Variants in PGM2L1 observed in about 807,000 individuals in gnomAD.
The protein encoded by PGM2L1 is phosphoglucomutase 2 like 1, also known as glucose 1,6-bisphosphate synthase.
PGM2L1 carries 35 observed loss-of-function variants against 73.4 expected under a neutral mutation model. The ratio of observed to expected loss-of-function variants is 0.48; its 90% CI spans 0.36 to 0.63. The LOEUF (loss-of-function observed/expected upper bound fraction) is 0.63, where lower values mean the gene tolerates loss of function less well. Among genes scored for constraint, PGM2L1 ranks in the 30% least tolerant of loss-of-function variants. The pLI is 0.00. For synonymous variants in PGM2L1, 225 were observed against 253.8 expected (o/e 0.89, Z 1.08); for missense variants, 570 against 742.0 (o/e 0.77, Z 2.69).
intron 5 of PGM2L1, among the ~76,000 whole-genome samples, chr11:74,360,253 AAAAG>A (rs1339956836): frequency 7.5e-6 from 1 of 132,622 alleles, no homozygotes; most frequent in African/African-American, 2.9e-5. Flanking sequence ...AAAATAAAAT[AAAAG>A]AAAGAAAGAG....
Position 74,347,166 on chromosome 11 carries a change from T to G in PGM2L1, c.921A>C (p.Glu307Asp). ...AAAATACCAGCACAGATTCTCCTTC[T>G]TCAGGATTTGGACATTTAACGGTAG... ...DFSTVKCPNP[E>D]EGESVLELSL... The change falls in exon 7 of 14, where the codon GAA (glutamate) becomes GAC (aspartate). Residue 307 changes from glutamate to aspartate, a missense_variant. By Grantham distance (45) the Glu-to-Asp change is conservative. Coordinates refer to ENST00000298198, the MANE Select transcript of PGM2L1 (RefSeq NM_173582.6). The G allele has an allele frequency of 6.3e-7, 1 of 1,581,796 alleles. No individual in the cohort carries two copies. Among genetic ancestry groups the G allele is most frequent in the Middle Eastern group, 1.7e-4 (1 of 5,918 alleles).
chr11:74,375,651 A>G (rs1308345022), intron 1 of PGM2L1, among the ~76,000 whole-genome samples: 1 of 152,206 alleles, frequency 6.6e-6, no homozygotes, highest in East Asian at 1.9e-4. Flanking sequence ...ATATTAATAT[A>G]CAATTTAAAC....
chr11:74,352,689 A>G (rs1248780943), intron 5 of PGM2L1, among the ~76,000 whole-genome samples: 1 of 152,234 alleles, frequency 6.6e-6, no homozygotes, highest in African/African-American at 2.4e-5. Context: ...GTTCTCTATA[A>G]ACACCTCAAA....
rs536593987 is a variant in PGM2L1 at position 74,397,943 on chromosome 11, G to A, written c.111+108C>T. On this transcript the variant is annotated intron_variant, in intron 1 of 13. Transcript: ENST00000298198. ...GCCCTGCTCCGCTGCCCCCCGCTCG[G>A]TGTCCCGAGCCATCTCCTCTGCAGC... is the stretch of plus-strand genomic sequence containing the variant. The A allele has an allele frequency of 1.0e-5, 14 of 1,382,282 alleles. No individual in the cohort carries two copies. The East Asian group carries it at 3.3e-4, about 32-fold the overall frequency. 85.6% of individuals were successfully genotyped at this position (1,382,282 alleles called of 1,614,324 possible).
At chr11:74,346,208 G>C (rs1862260791) in intron 8 of PGM2L1, among the ~76,000 whole-genome samples, 1 of 134,018 alleles carries the variant, frequency 7.5e-6, no homozygotes, top group African/African-American at 2.8e-5. Context: ...AGGCTGCAGT[G>C]AGCCAAGATA....
chr11:74,397,745 ATTTT>A (rs71065081), intron 1 of PGM2L1: 7 of 150,078 alleles, frequency 4.7e-5, no homozygotes, highest in South Asian at 2.4e-4. Context: ...AATGATGATG[ATTTT>A]TTTTTTTTTT....
chr11:74,344,081 T>C (rs538874815), intron 9 of PGM2L1, among the ~76,000 whole-genome samples: 2 of 152,056 alleles, frequency 1.3e-5, no homozygotes, highest in South Asian at 2.1e-4. Context: ...GGCCCCATTA[T>C]CTTTTTTTAA....
chr11:74,355,796 C>G (rs987611191), intron 5 of PGM2L1: 1 of 456,420 alleles, frequency 2.2e-6, no homozygotes, highest in Non-Finnish European at 4.4e-6. Flanking sequence ...TAGGTTACAA[C>G]AGATCTGTGA....
At chr11:74,369,197 C>T (rs1862711457) in intron 4 of PGM2L1, among the ~76,000 whole-genome samples, 5 of 152,194 alleles carry the variant, frequency 3.3e-5, no homozygotes, top group Non-Finnish European at 7.3e-5. Context: ...GGTCACTGAG[C>T]ATCTGTTACT....
chr11:74,366,426 C>A (rs1862659921), intron 5 of PGM2L1, among the ~76,000 whole-genome samples: 1 of 148,060 alleles, frequency 6.8e-6, no homozygotes, highest in Admixed American at 6.8e-5. Context: ...CCACTGTACT[C>A]CAGCCTGGGC....
intron 5 of PGM2L1, among the ~76,000 whole-genome samples, chr11:74,364,794 G>A (rs1294258511): frequency 6.6e-6 from 1 of 152,074 alleles, no homozygotes; most frequent in Non-Finnish European, 1.5e-5. Flanking sequence ...ACCACCCAAG[G>A]TAATTTATAG....
chr11:74,378,011 T>C (rs914681978), intron 1 of PGM2L1, among the ~76,000 whole-genome samples: 2 of 151,462 alleles, frequency 1.3e-5, no homozygotes, highest in East Asian at 3.9e-4. Context: ...TGAAGAAACA[T>C]ACATACCAGG....
At chr11:74,347,011 A>G (rs770145886) in intron 7 of PGM2L1, 137 bp downstream of exon 7, 5 of 967,336 alleles carry the variant, frequency 5.2e-6, no homozygotes, top group Non-Finnish European at 7.5e-6. Flanking sequence ...AACACAGCCT[A>G]TTATTACTCC....
chr11:74,347,231 T>G lies in PGM2L1; in HGVS notation c.856A>C (p.Ile286Leu). The stretch of plus-strand genomic sequence containing the variant: ...GGATCTTTTTGTTCTGGTACTGGAA[T>G]TGGAGGCTTAAAACCAAACACTTTA... ...AFKVFGFKPP[I>L]PVPEQKDPDP... Residue 286 changes from isoleucine (I) to leucine (L), a missense_variant, in exon 7 of 14, where the codon ATT becomes CTT. By Grantham distance (5) the Ile-to-Leu change is conservative. Transcript: ENST00000298198. 2 of 1,613,264 alleles carry G rather than the reference T, an allele frequency of 1.2e-6. No individual in the cohort carries two copies. Among genetic ancestry groups the G allele is most frequent in the Non-Finnish European group, 1.7e-6 (2 of 1,179,556 alleles).
chr11:74,391,450 T>C (rs939666021), intron 1 of PGM2L1, among the ~76,000 whole-genome samples: 5 of 152,152 alleles, frequency 3.3e-5, no homozygotes, highest in Non-Finnish European at 5.9e-5. Context: ...CTTCCTCATA[T>C]TTCCTATTTC....
chr11:74,389,543 G>C (rs559138968), intron 1 of PGM2L1, among the ~76,000 whole-genome samples: 2 of 151,486 alleles, frequency 1.3e-5, no homozygotes, highest in African/African-American at 4.8e-5. Flanking sequence ...TCCGCCTCCC[G>C]GGTTCCAGTG....
At chr11:74,384,514 G>C (rs564775061) in intron 1 of PGM2L1, among the ~76,000 whole-genome samples, 143 of 151,678 alleles carry the variant, frequency 9.4e-4, no homozygotes, top group African/African-American at 3.4e-3. Flanking sequence ...TGTTTATGTT[G>C]ACTTGCTTCC....
chr11:74,389,874 C>A (rs1437977048), intron 1 of PGM2L1, among the ~76,000 whole-genome samples: 2 of 140,376 alleles, frequency 1.4e-5, no homozygotes, highest in African/African-American at 5.2e-5. Flanking sequence ...GAGGCCGAGG[C>A]GGGCGGATCA....
rs60883108 is a variant in PGM2L1, at chr11:74,395,549, C to CT, written c.111+2501dup. ...TACAGGCACGTGACACCTCGCCTGG[C>CT]TTTTTTTTTTTTTTTTTTTTTTTTT... On this transcript the variant is annotated intron_variant, in intron 1 of 13. Transcript: ENST00000298198. 8.6e-4 allele frequency among the ~76,000 whole-genome samples: 56 copies of CT among 64,946 alleles called. 3 individuals are homozygous for CT. Among genetic ancestry groups the CT allele is most frequent in the East Asian group, 4.7e-3 (7 of 1,474 alleles). 42.6% of individuals were successfully genotyped at this position (64,946 alleles called of 152,430 possible). A position where few individuals can be genotyped will look rare whatever the true frequency, so the allele number is the denominator to read the frequency against.
Sources: allele counts gnomAD v4.1 joint callset (sites outside exome capture counted in the v4.1 genomes callset), GRCh38; gene constraint gnomAD v4.1.1; transcripts MANE v1.5; gene names NCBI Gene and HGNC (gene_info 2026-07-23, HGNC 2026-07-21).